SCAND3: variants seen among roughly 807,000 people sequenced by gnomAD.
SCAND3 encodes SCAN domain-containing protein 3.
chr6:28,575,620 A>G, the SCAND3 span: 1 of 1,614,014 alleles, frequency 6.2e-7, no homozygotes, highest in Admixed American at 1.7e-5. The surrounding 1 kb of genome is among the most constrained non-coding windows in gnomAD (Gnocchi z 4.2). Flanking sequence ...TGATGTTAGA[A>G]CCTTCTTGAG....
At chr6:28,578,491 A>G in the SCAND3 span, among the ~76,000 whole-genome samples, 1 of 152,202 alleles carries the variant, frequency 6.6e-6, no homozygotes, top group South Asian at 2.1e-4. Context: ...TTATAATAAA[A>G]TAACAATAAT....
At chr6:28,610,343 G>A in the SCAND3 span, among the ~76,000 whole-genome samples, 1 of 152,084 alleles carries the variant, frequency 6.6e-6, no homozygotes, top group Non-Finnish European at 1.5e-5. Flanking sequence ...CCAACATGAT[G>A]AAACTCCGTC....
the SCAND3 span, chr6:28,593,663 G>C: frequency 2.6e-5 from 4 of 152,174 alleles, no homozygotes; most frequent in Non-Finnish European, 5.9e-5. Context: ...GGACAAGAAC[G>C]AGACTTCGTC....
chr6:28,613,021 C>G, the SCAND3 span, among the ~76,000 whole-genome samples: 1 of 151,968 alleles, frequency 6.6e-6, no homozygotes, highest in African/African-American at 2.4e-5. Flanking sequence ...TCTTTAATAT[C>G]TAGAGACTAG....
At chr6:28,608,981 G>A in the SCAND3 span, among the ~76,000 whole-genome samples, 5 of 150,940 alleles carry the variant, frequency 3.3e-5, no homozygotes, top group African/African-American at 7.3e-5. Context: ...AAAACAGAGC[G>A]AAACACTGTC....
At chr6:28,601,519 T>C in the SCAND3 span, among the ~76,000 whole-genome samples, 1 of 152,168 alleles carries the variant, frequency 6.6e-6, no homozygotes, top group Non-Finnish European at 1.5e-5. Flanking sequence ...ACTCTCACTC[T>C]TGTTTTGAGG....
chr6:28,601,465 C>A, the SCAND3 span, among the ~76,000 whole-genome samples: 6 of 152,218 alleles, frequency 3.9e-5, no homozygotes, highest in African/African-American at 1.4e-4. Context: ...TCGATGCAAG[C>A]GTTAGCTGTC....
At chr6:28,572,473 TTC>T in the SCAND3 span, 1 of 1,613,508 alleles carries the variant, frequency 6.2e-7, no homozygotes, top group Non-Finnish European at 8.5e-7. This position sits in a 1 kb window ranked among gnomAD's most constrained non-coding sequence, Gnocchi z 4.1. Flanking sequence ...AGCTTCTAAC[TTC>T]TGTTTTTGTC....
At chr6:28,596,500 T>C in the SCAND3 span, among the ~76,000 whole-genome samples, 2 of 152,134 alleles carry the variant, frequency 1.3e-5, no homozygotes. Context: ...GTAAAGAATG[T>C]AATTAGGTGG....
At chr6:28,593,823 G>A in the SCAND3 span, among the ~76,000 whole-genome samples, 1 of 152,164 alleles carries the variant, frequency 6.6e-6, no homozygotes, top group South Asian at 2.1e-4. Flanking sequence ...CCTTGCCTCG[G>A]CTTCCCAATT....
chr6:28,592,516 G>C, the SCAND3 span, among the ~76,000 whole-genome samples: 3 of 152,068 alleles, frequency 2.0e-5, no homozygotes, highest in Non-Finnish European at 4.4e-5. The surrounding 1 kb of genome is among the most constrained non-coding windows in gnomAD (Gnocchi z 4.1). Flanking sequence ...GCTATCTACA[G>C]ATTCAATGCA....
chr6:28,608,497 G>T, the SCAND3 span, among the ~76,000 whole-genome samples: 3 of 151,948 alleles, frequency 2.0e-5, no homozygotes, highest in Non-Finnish European at 4.4e-5. Context: ...CACCTCCACT[G>T]CCCCAACACA....
chr6:28,612,193 G>A, the SCAND3 span, among the ~76,000 whole-genome samples: 2 of 151,938 alleles, frequency 1.3e-5, no homozygotes, highest in Non-Finnish European at 2.9e-5. Context: ...GTGCCACCAT[G>A]TGCCCGGCTA....
chr6:28,597,357 G>A, the SCAND3 span, among the ~76,000 whole-genome samples: 2 of 152,190 alleles, frequency 1.3e-5, no homozygotes, highest in Non-Finnish European at 2.9e-5. Flanking sequence ...GATGGGATTC[G>A]AACCCACGCG....
chr6:28,591,394 A>T, the SCAND3 span: 1 of 152,120 alleles, frequency 6.6e-6, no homozygotes, highest in African/African-American at 2.4e-5. Flanking sequence ...TATTTATAAA[A>T]ACTCCACCCT....
chr6:28,589,454 A>C, the SCAND3 span: 1 of 149,778 alleles, frequency 6.7e-6, no homozygotes, highest in Non-Finnish European at 1.5e-5. Context: ...GGGACCTTTC[A>C]AAGGTGAACG....
the SCAND3 span, chr6:28,594,288 T>G: frequency 1.3e-5 from 2 of 152,252 alleles, no homozygotes; most frequent in Admixed American, 1.3e-4. Flanking sequence ...ATGTCTGTAC[T>G]CTCATGTTCA....
the SCAND3 span, among the ~76,000 whole-genome samples, chr6:28,598,209 T>C: frequency 0.059 from 9,019 of 152,092 alleles, 620 homozygotes; most frequent in African/African-American, 0.16. Context: ...ACCAACTCCA[T>C]CCCATAATTT....
At chr6:28,594,745 G>A in the SCAND3 span, among the ~76,000 whole-genome samples, 3 of 152,064 alleles carry the variant, frequency 2.0e-5, no homozygotes, top group African/African-American at 7.2e-5. Context: ...GGATGAACCT[G>A]GAGGACATTA....
Sources: allele counts gnomAD v4.1 joint callset (sites outside exome capture counted in the v4.1 genomes callset), GRCh38; gene constraint gnomAD v4.1.1; non-coding constraint Gnocchi (gnomAD v3.1); transcripts MANE v1.5; gene names NCBI Gene and HGNC (gene_info 2026-07-23, HGNC 2026-07-21).